Variants in RGL1 observed in about 807,000 individuals in gnomAD.
The protein encoded by RGL1 is ral guanine nucleotide dissociation stimulator like 1, also known as ral guanine nucleotide dissociation stimulator-like 1.
A neutral mutation model predicts 95.2 loss-of-function variants in RGL1; 24 were observed. The observed-to-expected ratio is 0.25, with a 90% CI of 0.18 to 0.35. The LOEUF (loss-of-function observed/expected upper bound fraction) is 0.35. RGL1 is among the 10% of genes least tolerant of loss of function. The pLI, the probability that RGL1 is intolerant of heterozygous loss-of-function variation, is 1.00. For synonymous variants in RGL1, 329 were observed against 344.9 expected (o/e 0.95, Z 0.51); for missense variants, 715 against 936.3 (o/e 0.76, Z 3.08).
chr1:183,891,733 G>GTTTTTTTTTTT (rs57974956), intron 8 of RGL1, among the ~76,000 whole-genome samples: 2 of 123,946 alleles, frequency 1.6e-5, no homozygotes, highest in Non-Finnish European at 3.4e-5. Context: ...GTGTGTAACA[G>GTTTTTTTTTTT]TTTTTTTTTT....
chr1:183,875,088 A>G (rs1270981480), intron 4 of RGL1, among the ~76,000 whole-genome samples: 1 of 152,242 alleles, frequency 6.6e-6, no homozygotes, highest in African/African-American at 2.4e-5. Context: ...TTCTCAGAGA[A>G]TGTATTAAAA....
chr1:183,645,721 G>A (rs1484658775), intron 1 of RGL1, among the ~76,000 whole-genome samples: 1 of 152,134 alleles, frequency 6.6e-6, no homozygotes, highest in African/African-American at 2.4e-5. Context: ...TATAGCAGAC[G>A]GAGCTGAAAG....
chr1:183,890,761 AAT>A (rs1434443942), intron 8 of RGL1, among the ~76,000 whole-genome samples: 8 of 152,164 alleles, frequency 5.3e-5, no homozygotes, highest in African/African-American at 1.7e-4. Context: ...AGAATCAGCA[AAT>A]CTATGGACAC....
At chr1:183,646,078 T>G (rs1289981540) in intron 1 of RGL1, among the ~76,000 whole-genome samples, 1 of 152,226 alleles carries the variant, frequency 6.6e-6, no homozygotes, top group Non-Finnish European at 1.5e-5. Flanking sequence ...ACAAATTGGA[T>G]CTATTTTAAT....
intron 1 of RGL1, among the ~76,000 whole-genome samples, chr1:183,720,878 G>A (rs1655978998): frequency 6.6e-6 from 1 of 152,222 alleles, no homozygotes; most frequent in Non-Finnish European, 1.5e-5. Context: ...TTGATTGGAT[G>A]TGGGTACTGA....
Position 183,847,598 on chromosome 1 carries a change from A to G in RGL1, c.171A>G (p.Thr57=), listed in dbSNP as rs1357563547. Residue 57 remains threonine, a synonymous_variant, in exon 3 of 18, where the codon ACA becomes ACG. Transcript: ENST00000360851. ...VEGDQLPPGH[T]VSQYETCKIR... is the part of the protein sequence containing the mutation. ...GGGACCAGCTGCCTCCAGGACACAC[A>G]GTCAGTCAATATGAAACCTGTAAGA... 3 of 1,614,132 alleles carry G rather than the reference A, an allele frequency of 1.9e-6. No homozygotes were observed. The East Asian group carries it at 6.7e-5, about 36-fold the overall frequency.
chr1:183,820,606 G>C (rs1254570108), intron 2 of RGL1, among the ~76,000 whole-genome samples: 1 of 152,104 alleles, frequency 6.6e-6, no homozygotes, highest in East Asian at 1.9e-4. Flanking sequence ...TGTGGGTCCA[G>C]AACTCTCTAG....
intron 3 of RGL1, among the ~76,000 whole-genome samples, chr1:183,855,704 G>A (rs927207730): frequency 2.0e-5 from 3 of 152,096 alleles, no homozygotes; most frequent in African/African-American, 4.8e-5. Context: ...TCGCCTCTAG[G>A]GTCACCAGCA....
intron 15 of RGL1, among the ~76,000 whole-genome samples, chr1:183,916,126 C>T (rs1017809273): frequency 6.6e-6 from 1 of 152,202 alleles, no homozygotes; most frequent in Non-Finnish European, 1.5e-5. Flanking sequence ...TCTTTGGGAA[C>T]CCATATTGCC....
intron 1 of RGL1, among the ~76,000 whole-genome samples, chr1:183,715,400 T>C (rs1383700310): frequency 6.6e-6 from 1 of 152,194 alleles, no homozygotes; most frequent in Admixed American, 6.5e-5. Context: ...GATTGTTATA[T>C]ATGGTGAACT....
chr1:183,789,594 C>G lies in RGL1; in HGVS notation c.133-16781C>G, dbSNP rs558769293. ...GGCAAAAGCCAGAGCAATTTGGAAT[C>G]AGAGTATATCAGAGTAAGTCTTAGT... On this transcript the variant is annotated intron_variant, in intron 2 of 18. Transcript: ENST00000304685. Among the ~76,000 whole-genome samples the G allele has an allele frequency of 9.2e-5, 14 of 152,282 alleles. No individual in the cohort carries two copies. In the South Asian group the frequency reaches 2.9e-3, roughly 32 times the overall value.
chr1:183,744,237 A>G (rs1305280399), intron 2 of RGL1, among the ~76,000 whole-genome samples: 6 of 152,224 alleles, frequency 3.9e-5, no homozygotes, highest in Non-Finnish European at 8.8e-5. Flanking sequence ...AAGTAACCTA[A>G]CAACTAGTTT....
At position 183,767,400 on chromosome 1, in the gene RGL1, A is replaced by C. The variant is rs6690739; in HGVS notation, c.132+25111A>C. Among the ~76,000 whole-genome samples the C allele has an allele frequency of 9.6e-3, 1,457 of 152,296 alleles. 26 individuals are homozygous for C. The highest frequency in any genetic ancestry group is 0.033 in the African/African-American group (1,384 of 41,564). On this transcript the variant is annotated intron_variant, in intron 2 of 18. Transcript: ENST00000304685. ...TTACTCAGATAACCTTGGAGGCTAC[A>C]GTGTTACCCACAGCCTAAAATACAA...
chr1:183,738,498 C>G (rs7552887), intron 1 of RGL1, among the ~76,000 whole-genome samples: 2 of 152,002 alleles, frequency 1.3e-5, no homozygotes, highest in Non-Finnish European at 2.9e-5. Context: ...AGTGGAAAGT[C>G]TACATATGCC....
chr1:183,650,225 C>T (rs1045886783), intron 1 of RGL1, among the ~76,000 whole-genome samples: 4 of 152,082 alleles, frequency 2.6e-5, no homozygotes, highest in African/African-American at 7.3e-5. Context: ...TAATATTGTG[C>T]CATGAGCATT....
chr1:183,778,847 C>T (rs984129502), intron 2 of RGL1, among the ~76,000 whole-genome samples: 2 of 152,140 alleles, frequency 1.3e-5, no homozygotes, highest in Non-Finnish European at 2.9e-5. Context: ...GAATTGTCTG[C>T]ATCTTTCCTG....
chr1:183,719,722 A>G (rs1460659597), intron 1 of RGL1, among the ~76,000 whole-genome samples: 2 of 152,214 alleles, frequency 1.3e-5, no homozygotes, highest in African/African-American at 4.8e-5. Flanking sequence ...CCTGGCCAAC[A>G]TGGGTGAAAC....
intron 9 of RGL1, among the ~76,000 whole-genome samples, chr1:183,895,424 T>G (rs1558278605): frequency 1.3e-5 from 2 of 150,908 alleles, no homozygotes; most frequent in Non-Finnish European, 1.5e-5. Context: ...GAGGGGGAGA[T>G]AAAAGGAGAG....
intron 1 of RGL1, among the ~76,000 whole-genome samples, chr1:183,675,013 A>G (rs932089345): frequency 6.6e-6 from 1 of 152,236 alleles, no homozygotes. Flanking sequence ...CCCTGCTGAA[A>G]GCTATTTTAC....
Sources: gnomAD v4.1 joint callset for allele counts (sites outside exome capture counted in the v4.1 genomes callset) on GRCh38, gnomAD v4.1.1 for gene constraint, MANE v1.5 for transcripts, NCBI Gene and HGNC (gene_info 2026-07-23, HGNC 2026-07-21) for gene names.